Variants in PRKAR1A observed in about 807,000 individuals in gnomAD.
The protein encoded by PRKAR1A is cAMP-dependent protein kinase type I-alpha regulatory subunit.
A neutral mutation model predicts 52.0 loss-of-function variants in PRKAR1A; 3 were observed. The observed-to-expected ratio is 0.06, with a 90% CI of 0.03 to 0.15. The LOEUF (loss-of-function observed/expected upper bound fraction) is 0.15, where lower values mean the gene tolerates loss of function less well. Ranked by LOEUF, PRKAR1A falls within the 10% of genes least tolerant of loss-of-function variation. The pLI is 1.00. For synonymous variants in PRKAR1A, 188 were observed against 168.4 expected (o/e 1.12, Z -0.90); for missense variants, 240 against 477.4 (o/e 0.50, Z 4.63).
intron 2 of PRKAR1A, 74 bp from the exon 3 acceptor site, chr17:68,522,682 C>A: frequency 6.7e-7 from 1 of 1,491,126 alleles, no homozygotes; most frequent in Non-Finnish European, 9.3e-7. Context: ...CTGAGATAGA[C>A]TATCATTGGA....
the PRKAR1A span, chr17:68,426,182 A>G: frequency 6.3e-7 from 1 of 1,580,294 alleles, no homozygotes; most frequent in Non-Finnish European, 8.6e-7. Context: ...TAACCTGGAA[A>G]CCAAGAAAGA....
chr17:68,542,093 T>C, intron 11 of PRKAR1A: 2 of 1,613,940 alleles, frequency 1.2e-6, no homozygotes, highest in Non-Finnish European at 1.7e-6. Flanking sequence ...CTCCAGCAGG[T>C]GTGGGTTGCC....
the PRKAR1A span, chr17:68,420,070 T>C: frequency 2.6e-5 from 30 of 1,168,564 alleles, no homozygotes; most frequent in African/African-American, 2.6e-4. Flanking sequence ...AGAGCCATCA[T>C]TGGAACATTT....
the PRKAR1A span, chr17:68,420,300 G>A: frequency 1.2e-6 from 2 of 1,613,992 alleles, no homozygotes; most frequent in Non-Finnish European, 1.7e-6. Context: ...GAAAGAGGTG[G>A]TGCGGAGTAC....
the PRKAR1A span, among the ~76,000 whole-genome samples, chr17:68,505,031 C>T: frequency 6.6e-6 from 1 of 152,262 alleles, no homozygotes; most frequent in East Asian, 1.9e-4. Flanking sequence ...GGCGTGGTGG[C>T]TCACATCTGT....
intron 8 of PRKAR1A, among the ~76,000 whole-genome samples, chr17:68,528,357 AC>A (rs2085856415): frequency 6.7e-6 from 1 of 149,586 alleles, no homozygotes; most frequent in African/African-American, 2.5e-5. Context: ...TGAATTTTTC[AC>A]CTCTTCTTTG....
chr17:68,462,079 T>C, the PRKAR1A span, among the ~76,000 whole-genome samples: 1 of 152,338 alleles, frequency 6.6e-6, no homozygotes, highest in Non-Finnish European at 1.5e-5. Flanking sequence ...GAGCAAAAAC[T>C]AACAACACTT....
chr17:68,486,506 C>CT, the PRKAR1A span, among the ~76,000 whole-genome samples: 90 of 48,232 alleles, frequency 1.9e-3, no homozygotes, highest in African/African-American at 3.7e-3. Flanking sequence ...TCCTTCCTTC[C>CT]TTCTTTCTTT....
At chr17:68,511,629 G>C (rs535359946), upstream of PRKAR1A, among the ~76,000 whole-genome samples, 7 of 150,020 alleles carry the variant, frequency 4.7e-5, no homozygotes, top group Non-Finnish European at 8.9e-5. Flanking sequence ...GTTTCCACAG[G>C]GACGGTGTTG....
chr17:68,457,432 GCCCGGGAAGCCGCAGC>G, the PRKAR1A span: 1 of 416,954 alleles, frequency 2.4e-6, no homozygotes, highest in Non-Finnish European at 3.4e-6. Context: ...CGGGGGCTCG[GCCCGGGAAGCCGCAGC>G]TCGGAGCCGG....
At chr17:68,499,266 A>G in the PRKAR1A span, among the ~76,000 whole-genome samples, 1 of 152,160 alleles carries the variant, frequency 6.6e-6, no homozygotes, top group African/African-American at 2.4e-5. Flanking sequence ...GGTGTTCTGC[A>G]CATTTCCTCT....
At chr17:68,420,210 G>C in the PRKAR1A span, 1 of 1,614,034 alleles carries the variant, frequency 6.2e-7, no homozygotes, top group Non-Finnish European at 8.5e-7. Context: ...GCGTGTGATG[G>C]GAGCACGGGG....
At chr17:68,522,537 T>C (rs1400593763) in intron 2 of PRKAR1A, among the ~76,000 whole-genome samples, 1 of 152,226 alleles carries the variant, frequency 6.6e-6, no homozygotes, top group African/African-American at 2.4e-5. Flanking sequence ...TGCCCATTAA[T>C]AAAGGATAGC....
At chr17:68,461,654 C>T in the PRKAR1A span, among the ~76,000 whole-genome samples, 673 of 152,318 alleles carry the variant, frequency 4.4e-3, 3 homozygotes, top group Non-Finnish European at 7.5e-3. The surrounding 1 kb of genome is among the most constrained non-coding windows in gnomAD (Gnocchi z 4.6). Flanking sequence ...ACACTCAGAA[C>T]ATGAACTGAG....
the PRKAR1A span, among the ~76,000 whole-genome samples, chr17:68,437,577 C>CA: frequency 1.3e-5 from 2 of 151,396 alleles, no homozygotes; most frequent in Non-Finnish European, 2.9e-5. Flanking sequence ...AGAAACCGAG[C>CA]AATTTCTGAG....
At chr17:68,493,214 C>T in the PRKAR1A span, among the ~76,000 whole-genome samples, 1 of 152,076 alleles carries the variant, frequency 6.6e-6, no homozygotes, top group African/African-American at 2.4e-5. Context: ...ATGGGTTGAT[C>T]TGTTCAGCAA....
chr17:68,439,874 C>T, the PRKAR1A span, among the ~76,000 whole-genome samples: 2 of 152,168 alleles, frequency 1.3e-5, no homozygotes, highest in Admixed American at 6.5e-5. Context: ...TACTTCTTCC[C>T]TCTGAAAATA....
chr17:68,504,399 G>A, the PRKAR1A span, among the ~76,000 whole-genome samples: 12 of 152,276 alleles, frequency 7.9e-5, no homozygotes, highest in South Asian at 1.5e-3. Flanking sequence ...CCCAGGAGGC[G>A]GAGGTTGCAG....
the PRKAR1A span, among the ~76,000 whole-genome samples, chr17:68,431,736 C>T: frequency 4.6e-5 from 7 of 152,300 alleles, no homozygotes; most frequent in South Asian, 2.1e-4. Flanking sequence ...ACGTGTGAGC[C>T]GTAACCGCCG....
Sources: allele counts gnomAD v4.1 joint callset (sites outside exome capture counted in the v4.1 genomes callset), GRCh38; gene constraint gnomAD v4.1.1; non-coding constraint Gnocchi (gnomAD v3.1); transcripts MANE v1.5; gene names NCBI Gene and HGNC (gene_info 2026-07-23, HGNC 2026-07-21).